ANAPC15: variants seen among roughly 807,000 people sequenced by gnomAD.
ANAPC15 encodes anaphase promoting complex subunit 15, also known as anaphase-promoting complex subunit 15.
A neutral mutation model predicts 19.8 loss-of-function variants in ANAPC15; 13 were observed. The ratio of observed to expected loss-of-function variants is 0.66; its 90% CI spans 0.43 to 1.04. The LOEUF (loss-of-function observed/expected upper bound fraction) is 1.04, where lower values mean the gene tolerates loss of function less well. ANAPC15 is among the 50% of genes least tolerant of loss of function. The probability of loss-of-function intolerance (pLI) is 0.00; values close to 1 mark genes in which losing one functional copy is unlikely to be tolerated. For synonymous variants in ANAPC15, 45 were observed against 50.7 expected (o/e 0.89, Z 0.47); for missense variants, 88 against 150.3 (o/e 0.59, Z 2.17).
At chr11:72,108,566 T>G, downstream of ANAPC15, 2 of 1,425,738 alleles carry the variant, frequency 1.4e-6, no homozygotes, top group South Asian at 3.1e-5. Context: ...GGAGAACAAT[T>G]CCCCCCACCC....
downstream of ANAPC15, chr11:72,107,813 C>A (rs1038945311): frequency 8.2e-7 from 1 of 1,216,972 alleles, no homozygotes; most frequent in Non-Finnish European, 1.2e-6. Context: ...ACAGATGAGA[C>A]CCCGGCTGGT....
chr11:72,110,247 G>A (rs904996040), intron 4 of ANAPC15, 22 bp from the exon 5 acceptor site: 3 of 1,612,058 alleles, frequency 1.9e-6, no homozygotes, highest in Admixed American at 1.7e-5. Context: ...GACAGAGCCT[G>A]TAAGCCCTAC....
chr11:72,108,804 G>T, downstream of ANAPC15: 1 of 1,550,382 alleles, frequency 6.5e-7, no homozygotes, highest in Non-Finnish European at 8.7e-7. Flanking sequence ...GGTGCACCCC[G>T]CTTCTTGCAG....
At chr11:72,108,588 TCC>T, downstream of ANAPC15, 1 of 1,436,814 alleles carries the variant, frequency 7.0e-7, no homozygotes, top group African/African-American at 1.4e-5. Flanking sequence ...CACCTCCAGC[TCC>T]CCCTATCCCC....
intron 1 of ANAPC15, among the ~76,000 whole-genome samples, chr11:72,111,726 CT>C (rs1317389664): frequency 1.3e-5 from 2 of 152,096 alleles, no homozygotes. Flanking sequence ...CTAAAACCTG[CT>C]TTTTGACCCT....
At chr11:72,112,327 G>C (rs1335698097) in intron 1 of ANAPC15, 3 of 170,352 alleles carry the variant, frequency 1.8e-5, no homozygotes, top group African/African-American at 7.2e-5. Context: ...CCATGCAGTT[G>C]ACCAACAGAA....
intron 3 of ANAPC15, among the ~76,000 whole-genome samples, 200 bp downstream of exon 3, chr11:72,110,957 C>A (rs1432878083): frequency 2.0e-5 from 3 of 152,168 alleles, no homozygotes; most frequent in Non-Finnish European, 4.4e-5. Context: ...CTAATCTGGC[C>A]CAGAAGTCAC....
downstream of ANAPC15, chr11:72,108,068 G>T (rs772573727): frequency 6.5e-7 from 1 of 1,542,036 alleles, no homozygotes. Context: ...ACCCACGCAC[G>T]GCAGCAGTGG....
rs1214553281 is a variant in ANAPC15 at position 72,110,684 on chromosome 11, G to T, written c.121-81C>A. Reference sequence around the variant, plus strand: ...GCATGGGACTGGCCCATTCTGCCCAGAAGACAACCCACACGTGTTGGGGAG... The same window carrying T: ...GCATGGGACTGGCCCATTCTGCCCATAAGACAACCCACACGTGTTGGGGAG... On this transcript the variant is annotated intron_variant, in intron 3 of 5. Transcript: ENST00000227618. The T allele has an allele frequency of 2.0e-6, 3 of 1,506,914 alleles. No homozygotes were observed. The Admixed American group carries it at 5.3e-5, about 27-fold the overall frequency. The allele number at this position is 1,506,914 out of a possible 1,614,324, so 93.3% of individuals were successfully genotyped here.
At chr11:72,108,102 G>A (rs529549122), downstream of ANAPC15, 32 of 1,523,286 alleles carry the variant, frequency 2.1e-5, no homozygotes, top group Middle Eastern at 1.7e-4. Context: ...CCGCCTGGCC[G>A]GCTTTGATGA....
chr11:72,111,036 T>C (rs1410349159), intron 3 of ANAPC15, 121 bp downstream of exon 3: 9 of 742,794 alleles, frequency 1.2e-5, no homozygotes, highest in Non-Finnish European at 2.0e-5. Flanking sequence ...GCCCGATTAT[T>C]CCCAGCTCAG....
downstream of ANAPC15, chr11:72,108,588 TC>T: frequency 7.0e-7 from 1 of 1,436,808 alleles, no homozygotes; most frequent in Non-Finnish European, 9.2e-7. Context: ...CACCTCCAGC[TC>T]CCCCTATCCC....
In ANAPC15 at chr11:72,110,237, G is replaced by A; in HGVS notation, c.181-12C>T. Reference sequence around the variant, plus strand: ...TCGTCATCATAGTGCTGGTGGGCAGGACAGAGCCTGTAAGCCCTACAGGCC... The same window carrying A: ...TCGTCATCATAGTGCTGGTGGGCAGAACAGAGCCTGTAAGCCCTACAGGCC... On this transcript the variant is annotated splice_polypyrimidine_tract_variant and intron_variant, in intron 4 of 5. Coordinates refer to ENST00000227618, the MANE Select transcript of ANAPC15 (RefSeq NM_014042.3). 1.2e-6 allele frequency: 2 copies of A among 1,612,760 alleles called. No homozygotes were observed. The highest frequency in any genetic ancestry group is 1.7e-6 in the Non-Finnish European group (2 of 1,179,998).
At position 72,111,222 on chromosome 11, in the gene ANAPC15, TA is replaced by T; in HGVS notation, c.54del (p.Phe18LeufsTer75). 6.2e-7 allele frequency: 1 copy of T among 1,614,138 alleles called. No homozygotes were observed. The highest frequency in any genetic ancestry group is 8.5e-7 in the Non-Finnish European group (1 of 1,179,968). Reference sequence around the variant, plus strand: ...TCTTCCACACAGGGTCGATCCAGATTAAACCACAGAGTCTCAGTCACACGAG... The same window carrying T: ...TCTTCCACACAGGGTCGATCCAGATTAACCACAGAGTCTCAGTCACACGAG... ...LFPRVTETLW[F>X]NLDRPCVEET... On this transcript the variant is annotated frameshift_variant, in exon 3 of 6. Transcript: ENST00000227618. LOFTEE classifies it high-confidence loss of function.
chr11:72,108,012 G>A (rs759846282), downstream of ANAPC15: 1 of 1,551,640 alleles, frequency 6.4e-7, no homozygotes, highest in South Asian at 1.2e-5. Flanking sequence ...CCTGCTTATT[G>A]CCCGAGCCCT....
intron 3 of ANAPC15, chr11:72,110,827 G>C: frequency 1.7e-6 from 1 of 587,412 alleles, no homozygotes; most frequent in Non-Finnish European, 3.0e-6. Flanking sequence ...TTATGGTGAG[G>C]ATGAAGTGAG....
chr11:72,107,988 T>C (rs1458835908), downstream of ANAPC15: 3 of 1,551,766 alleles, frequency 1.9e-6, no homozygotes, highest in East Asian at 7.3e-5. Context: ...GGGAACCTAC[T>C]GTGGATACTC....
chr11:72,111,128 T>A (rs1455819930), intron 3 of ANAPC15, 29 bp downstream of exon 3: 1 of 1,444,718 alleles, frequency 6.9e-7, no homozygotes, highest in South Asian at 1.1e-5. Context: ...TGTGCTGAGG[T>A]CTCTGTGCTG....
chr11:72,110,692 C>G, intron 3 of ANAPC15, 89 bp from the exon 4 acceptor site: 3 of 1,431,086 alleles, frequency 2.1e-6, no homozygotes, highest in South Asian at 2.4e-5. Flanking sequence ...CAGAAGACAA[C>G]CCACACGTGT....
Sources: allele counts gnomAD v4.1 joint callset (sites outside exome capture counted in the v4.1 genomes callset), GRCh38; gene constraint gnomAD v4.1.1; transcripts MANE v1.5; gene names NCBI Gene and HGNC (gene_info 2026-07-23, HGNC 2026-07-21).